DEF8: variants seen among roughly 807,000 people sequenced by gnomAD.
DEF8 encodes the protein differentially expressed in FDCP 8 homolog.
Under a neutral mutation model 59.1 loss-of-function variants are expected in DEF8, and 38 were observed. The observed-to-expected ratio is 0.64, with a 90% CI of 0.50 to 0.84. DEF8 has a LOEUF of 0.84. Among genes scored for constraint, DEF8 ranks in the 40% least tolerant of loss-of-function variants. The probability of loss-of-function intolerance (pLI) is 0.00; values close to 1 mark genes in which losing one functional copy is unlikely to be tolerated. For missense variants in DEF8, 557 were observed against 615.2 expected (o/e 0.91, Z 1.00); for synonymous variants, 265 against 250.1 (o/e 1.06, Z -0.56).
Position 89,954,169 on chromosome 16 carries a change from G to A in DEF8, c.-10-74G>A. 6.5e-7 allele frequency: 1 copy of A among 1,536,064 alleles called. No homozygotes were observed. Among genetic ancestry groups the A allele is most frequent in the South Asian group, 1.2e-5 (1 of 83,470 alleles). On this transcript the variant is annotated intron_variant, in intron 2 of 12. Coordinates refer to ENST00000563594, the MANE Select transcript of DEF8 (RefSeq NM_001242818.2). This position sits in a 1 kb window ranked among gnomAD's most constrained non-coding sequence, Gnocchi z 4.3. ...CCAGCCTCACCCCAGACACCCCAGT[G>A]TGGTTGGGGAAAGGGGGTGGTCCGT...
Position 89,959,127 on chromosome 16 carries a change from G to C in DEF8, c.486G>C (p.Gly162=). 6.2e-7 allele frequency: 1 copy of C among 1,613,928 alleles called. No homozygotes were observed. The highest frequency in any genetic ancestry group is 8.5e-7 in the Non-Finnish European group (1 of 1,180,026). Residue 162 remains glycine, a synonymous_variant, in exon 6 of 13, where the codon GGG becomes GGC. Transcript: ENST00000563594. ...TCDKCNTIIW[G]LIQTWYTCTG... is the part of the protein sequence containing the mutation. ...ACAAGTGTAACACCATCATCTGGGGGCTCATTCAGACCTGGTACACCTGCA... is the reference window on the plus strand; with the variant it reads ...ACAAGTGTAACACCATCATCTGGGGCCTCATTCAGACCTGGTACACCTGCA...
intron 6 of DEF8, among the ~76,000 whole-genome samples, chr16:89,960,073 A>C (rs1232800938): frequency 1.3e-5 from 2 of 152,078 alleles, no homozygotes; most frequent in Admixed American, 6.5e-5. Flanking sequence ...GGTTGATATA[A>C]GGAGGAGCAG....
At chr16:89,962,147 TG>T in intron 9 of DEF8, 22 bp downstream of exon 9, 3 of 1,591,156 alleles carry the variant, frequency 1.9e-6, no homozygotes, top group South Asian at 2.2e-5. Flanking sequence ...GCCATGGAAG[TG>T]GGGGGCGGGG....
Position 89,954,173 on chromosome 16 carries a change from T to C in DEF8, c.-10-70T>C. On this transcript the variant is annotated intron_variant, in intron 2 of 12. Transcript: ENST00000563594. This position sits in a 1 kb window ranked among gnomAD's most constrained non-coding sequence, Gnocchi z 4.3. ...CCTCACCCCAGACACCCCAGTGTGG[T>C]TGGGGAAAGGGGGTGGTCCGTGGTG... The C allele has an allele frequency of 1.9e-6, 3 of 1,542,014 alleles. No individual in the cohort carries two copies. Among genetic ancestry groups the C allele is most frequent in the South Asian group, 1.2e-5 (1 of 83,926 alleles).
chr16:89,954,108 G>A lies in DEF8; in HGVS notation c.-10-135G>A, dbSNP rs2032692456. 1.6e-5 allele frequency: 14 copies of A among 892,372 alleles called. No individual in the cohort carries two copies. The Admixed American group carries it at 3.6e-4, about 23-fold the overall frequency. 55.3% of individuals were successfully genotyped at this position (892,372 alleles called of 1,614,324 possible). ...GAAAAGGCTGAAGATCAAGGCTGTG[G>A]TGTGAGGACTACCCACTTTAGGGAA... is the stretch of plus-strand genomic sequence containing the variant. On this transcript the variant is annotated intron_variant, in intron 2 of 12. Transcript: ENST00000563594. The surrounding 1 kb of genome is among the most constrained non-coding windows in gnomAD (Gnocchi z 4.3).
intron 4 of DEF8, chr16:89,956,679 AT>A (rs11453006): frequency 1.2e-4 from 17 of 145,058 alleles, no homozygotes; most frequent in South Asian, 4.4e-4. Flanking sequence ...ATAATTTTTC[AT>A]TTTTTTTTTA....
chr16:89,961,656 T>G, intron 7 of DEF8, 81 bp from the exon 8 acceptor site: 5 of 1,558,552 alleles, frequency 3.2e-6, no homozygotes, highest in Non-Finnish European at 3.5e-6. Context: ...CTGTGGTCCA[T>G]GGGAGGACAG....
In DEF8 at chr16:89,967,833, G is replaced by T; in HGVS notation, c.*1870G>T. 1 of 169,378 alleles carries T rather than the reference G, an allele frequency of 5.9e-6. No individual in the cohort carries two copies. The highest frequency in any genetic ancestry group is 1.3e-5 in the Non-Finnish European group (1 of 79,742). 10.5% of individuals were successfully genotyped at this position (169,378 alleles called of 1,614,324 possible). On this transcript the variant is annotated 3_prime_UTR_variant, in exon 13 of 13. Coordinates refer to ENST00000563594, the MANE Select transcript of DEF8 (RefSeq NM_001242818.2). ...GGTTGGGCCCCTTTTATTTTTACCT[G>T]CCACCCAGCATCTCCCCCACCTGCC...
intron 10 of DEF8, chr16:89,963,885 G>T (rs556787987): frequency 3.7e-6 from 2 of 545,178 alleles, no homozygotes; most frequent in South Asian, 3.9e-5. Flanking sequence ...AGAGAAGGAA[G>T]GGTGGGGAAT....
intron 12 of DEF8, among the ~76,000 whole-genome samples, chr16:89,964,780 T>A (rs1488828430): frequency 6.6e-6 from 1 of 152,136 alleles, no homozygotes; most frequent in Non-Finnish European, 1.5e-5. Context: ...AGAAGTTCCC[T>A]TAGGAGCGGC....
At chr16:89,955,319 G>A in intron 4 of DEF8, 53 bp downstream of exon 4, 2 of 1,497,526 alleles carry the variant, frequency 1.3e-6, no homozygotes, top group Non-Finnish European at 1.9e-6. Context: ...CCCAAGGCAG[G>A]AAGGGCCAGG....
chr16:89,963,548 A>G, intron 10 of DEF8, 105 bp downstream of exon 10: 8 of 898,288 alleles, frequency 8.9e-6, no homozygotes, highest in Non-Finnish European at 1.4e-5. Flanking sequence ...GAGTGCCTTT[A>G]GCAGAGGGTC....
intron 6 of DEF8, among the ~76,000 whole-genome samples, chr16:89,960,141 G>A (rs1567800300): frequency 6.6e-6 from 1 of 152,138 alleles, no homozygotes; most frequent in Non-Finnish European, 1.5e-5. Flanking sequence ...AGGTGGCTGG[G>A]GCTTTTCTTT....
intron 3 of DEF8, 138 bp from the exon 4 acceptor site, chr16:89,955,030 TG>T: frequency 1.5e-6 from 1 of 646,710 alleles, no homozygotes. Flanking sequence ...ATCTGAGTGG[TG>T]CCCAGCTCTC....
rs1184162489 is a variant in DEF8 at position 89,948,923 on chromosome 16, GCGGGGA to G, written c.-108+115_-108+120del. ...GTCGGGGCTGGGAGGGACGGGGCCG[GCGGGGA>G]CGGGGTCGGCGGGGACGGGGCTGGG... is the stretch of plus-strand genomic sequence containing the variant. On this transcript the variant is annotated intron_variant, in intron 1 of 12. Transcript: ENST00000563594. 17 of 43,612 alleles carry G rather than the reference GCGGGGA, an allele frequency of 3.9e-4. 3 individuals carry two copies. The highest frequency in any genetic ancestry group is 1.1e-3 in the Admixed American group (6 of 5,496). The allele number at this position is 43,612 out of a possible 1,614,324, so 2.7% of individuals were successfully genotyped here.
In DEF8 at chr16:89,958,923, C is replaced by T. The variant is rs1479510998; in HGVS notation, c.373-91C>T. On this transcript the variant is annotated intron_variant, in intron 5 of 12. Transcript: ENST00000563594. ...CTCACAATCTCTGCCCTAAATGGTG[C>T]CTGGAAGAAATAAGTTGAGGGGCTT... The T allele has an allele frequency of 3.9e-6, 6 of 1,553,220 alleles. No individual in the cohort carries two copies. In the East Asian group the frequency reaches 9.0e-5, roughly 23 times the overall value.
At position 89,954,185 on chromosome 16, in the gene DEF8, G is replaced by T. The variant is rs1216473798; in HGVS notation, c.-10-58G>T. The T allele has an allele frequency of 2.5e-6, 4 of 1,581,890 alleles. No homozygotes were observed. Among genetic ancestry groups the T allele is most frequent in the Non-Finnish European group, 3.4e-6 (4 of 1,162,994 alleles). On this transcript the variant is annotated intron_variant, in intron 2 of 12. Transcript: ENST00000563594. This position sits in a 1 kb window ranked among gnomAD's most constrained non-coding sequence, Gnocchi z 4.3. ...CACCCCAGTGTGGTTGGGGAAAGGG[G>T]GTGGTCCGTGGTGAGCCTGGTACCT...
At position 89,953,948 on chromosome 16, in the gene DEF8, T is replaced by C. The variant is rs3803685; in HGVS notation, c.-10-295T>C. Reference sequence around the variant, plus strand: ...TCTGCAACATTGGGCAAGAGGACCCTGTGCTGGGAGGCAGGGAGCTTGGGC... The same window carrying C: ...TCTGCAACATTGGGCAAGAGGACCCCGTGCTGGGAGGCAGGGAGCTTGGGC... On this transcript the variant is annotated intron_variant, in intron 2 of 12. Transcript: ENST00000563594. 5.3e-4 allele frequency among the ~76,000 whole-genome samples: 81 copies of C among 152,306 alleles called. No individual in the cohort carries two copies. In the East Asian group the frequency reaches 0.014, roughly 26 times the overall value.
intron 9 of DEF8, 136 bp from the exon 10 acceptor site, chr16:89,963,227 G>A (rs1175093611): frequency 3.1e-6 from 2 of 642,812 alleles, no homozygotes; most frequent in Middle Eastern, 6.9e-4. Context: ...TTGGGTTTTG[G>A]TGAAGCACTC....
Sources: gnomAD v4.1 joint callset for allele counts (sites outside exome capture counted in the v4.1 genomes callset) on GRCh38, gnomAD v4.1.1 for gene constraint, Gnocchi (gnomAD v3.1) non-coding constraint, MANE v1.5 for transcripts, NCBI Gene and HGNC (gene_info 2026-07-23, HGNC 2026-07-21) for gene names.